The following GLI3 variants were observed in gnomAD, a reference collection of about 807,000 sequenced individuals.
GLI3 encodes the protein GLI family zinc finger 3.
A neutral mutation model predicts 100.8 loss-of-function variants in GLI3; 20 were observed. That is an observed-to-expected ratio of 0.20 (90% CI 0.14 to 0.29). The LOEUF (loss-of-function observed/expected upper bound fraction) is 0.29. Among genes scored for constraint, GLI3 ranks in the 10% least tolerant of loss-of-function variants. The pLI is 1.00. For synonymous variants in GLI3, 938 were observed against 860.5 expected, an observed-to-expected ratio of 1.09 and a Z score of -1.58; for missense variants, 2,040 against 2,128.5, an observed-to-expected ratio of 0.96 and a Z score of 0.82.
At chr7:42,052,534 T>C (rs1273877742) in intron 4 of GLI3, among the ~76,000 whole-genome samples, 1 of 152,196 alleles carries the variant, frequency 6.6e-6, no homozygotes, top group African/African-American at 2.4e-5. Flanking sequence ...ATACACAAAA[T>C]TGGAACAATC....
chr7:42,066,447 G>C (rs778467330), intron 4 of GLI3, among the ~76,000 whole-genome samples: 2 of 152,098 alleles, frequency 1.3e-5, no homozygotes, highest in Non-Finnish European at 2.9e-5. Context: ...GTCTGTCTGG[G>C]TTAAAAGATG....
At chr7:42,127,229 A>G (rs947074213) in intron 3 of GLI3, among the ~76,000 whole-genome samples, 1 of 152,202 alleles carries the variant, frequency 6.6e-6, no homozygotes, top group African/African-American at 2.4e-5. Flanking sequence ...CTCAGAGCTG[A>G]TCCCAGGCTT....
chr7:42,238,078 C>G (rs1476750057), upstream of GLI3, among the ~76,000 whole-genome samples: 1 of 150,304 alleles, frequency 6.7e-6, no homozygotes, highest in Non-Finnish European at 1.5e-5. Flanking sequence ...CAGACACATT[C>G]ATGCCTGCTC....
Position 41,965,939 on chromosome 7 carries a change from A to T in GLI3, c.3134T>A (p.Val1045Glu). The T allele has an allele frequency of 6.2e-7, 1 of 1,612,620 alleles. No individual in the cohort carries two copies. Among genetic ancestry groups the T allele is most frequent in the Non-Finnish European group, 8.5e-7 (1 of 1,179,838 alleles). The change falls in exon 15 of 15, where the codon GTG becomes GAG. Residue 1045 changes from valine (V) to glutamate (E), a missense_variant. Val to Glu is a moderately radical substitution (Grantham distance 121). Transcript: ENST00000395925. ...MATSAEKRSL[V>E]LQNYTRPEGG... ...CTCGGGCCGCGTGTAATTCTGAAGC[A>T]CGAGACTGCGCTTCTCCGCGGACGT... is the stretch of plus-strand genomic sequence containing the variant.
chr7:42,049,475 C>G (rs1291584110), intron 4 of GLI3, among the ~76,000 whole-genome samples: 1 of 152,214 alleles, frequency 6.6e-6, no homozygotes, highest in East Asian at 1.9e-4. Flanking sequence ...TGAGCAGTAG[C>G]AACTAAGTGC....
intron 2 of GLI3, among the ~76,000 whole-genome samples, chr7:42,179,567 G>T (rs1463011870): frequency 6.6e-6 from 1 of 152,174 alleles, no homozygotes; most frequent in East Asian, 1.9e-4. Flanking sequence ...AGGGCTGTTG[G>T]TGCAATCCAG....
chr7:42,010,558 A>C (rs973354022), intron 10 of GLI3, among the ~76,000 whole-genome samples: 2 of 152,308 alleles, frequency 1.3e-5, no homozygotes, highest in Admixed American at 1.3e-4. Context: ...GTTTCTGATG[A>C]AGTGTTATAT....
intron 7 of GLI3, among the ~76,000 whole-genome samples, chr7:42,031,058 A>C (rs905323393): frequency 1.3e-5 from 2 of 152,138 alleles, no homozygotes; most frequent in African/African-American, 4.8e-5. Context: ...CCTTCTCTAG[A>C]GCAGGACATA....
intron 3 of GLI3, among the ~76,000 whole-genome samples, chr7:42,084,549 A>T (rs1785062612): frequency 6.6e-6 from 1 of 152,252 alleles, no homozygotes; most frequent in Non-Finnish European, 1.5e-5. Flanking sequence ...GTGATTCCAC[A>T]TATATGCATC....
chr7:42,147,664 T>G (rs1205937753), intron 3 of GLI3, among the ~76,000 whole-genome samples: 1 of 152,236 alleles, frequency 6.6e-6, no homozygotes, highest in Non-Finnish European at 1.5e-5. Context: ...AAGGAGCTTC[T>G]GATGTGTCTG....
At chr7:42,167,761 G>T (rs1485054361) in intron 2 of GLI3, among the ~76,000 whole-genome samples, 1 of 152,090 alleles carries the variant, frequency 6.6e-6, no homozygotes, top group Non-Finnish European at 1.5e-5. Flanking sequence ...AGTGGATATG[G>T]CAGAACTTCA....
intron 10 of GLI3, among the ~76,000 whole-genome samples, chr7:41,982,386 A>T (rs1230078095): frequency 6.6e-6 from 1 of 152,216 alleles, no homozygotes; most frequent in Non-Finnish European, 1.5e-5. Flanking sequence ...TCACAGACTT[A>T]ACATGTGCAT....
intron 2 of GLI3, among the ~76,000 whole-genome samples, chr7:42,202,317 C>T (rs1003015106): frequency 9.3e-6 from 1 of 108,080 alleles, no homozygotes; most frequent in Admixed American, 1.1e-4. Context: ...TTCATAGAAT[C>T]TGTCTCTCTC....
At chr7:41,978,214 G>C (rs988005659) in intron 11 of GLI3, among the ~76,000 whole-genome samples, 1 of 152,160 alleles carries the variant, frequency 6.6e-6, no homozygotes, top group Non-Finnish European at 1.5e-5. Context: ...TATGCCTGAG[G>C]ACTCACTAGG....
chr7:42,082,070 T>G (rs544162241), intron 3 of GLI3, among the ~76,000 whole-genome samples: 1 of 152,024 alleles, frequency 6.6e-6, no homozygotes, highest in East Asian at 1.9e-4. Flanking sequence ...TCAGCAGAAA[T>G]ATCATTAAAC....
intron 1 of GLI3, among the ~76,000 whole-genome samples, chr7:42,248,103 T>C (rs961555468): frequency 1.3e-5 from 2 of 152,192 alleles, no homozygotes; most frequent in Non-Finnish European, 2.9e-5. Flanking sequence ...AAGTACTTTT[T>C]AACTAAAAAT....
At chr7:42,236,568 G>A (rs1415238693) in intron 1 of GLI3, among the ~76,000 whole-genome samples, 4 of 152,254 alleles carry the variant, frequency 2.6e-5, no homozygotes, top group African/African-American at 4.8e-5. Flanking sequence ...CGCCGTGCGC[G>A]CCCGAAGCCC....
chr7:42,197,275 A>T (rs1434110230), intron 2 of GLI3, among the ~76,000 whole-genome samples: 1 of 152,244 alleles, frequency 6.6e-6, no homozygotes, highest in Non-Finnish European at 1.5e-5. Flanking sequence ...AAGAGTAATG[A>T]CATAAAAATC....
intron 13 of GLI3, among the ~76,000 whole-genome samples, chr7:41,971,856 G>A (rs368648218): frequency 3.3e-5 from 5 of 152,114 alleles, no homozygotes; most frequent in South Asian, 2.1e-4. Flanking sequence ...CCGGCAGTCC[G>A]TCCCTCTCCT....
Sources: allele counts gnomAD v4.1 joint callset (sites outside exome capture counted in the v4.1 genomes callset), GRCh38; gene constraint gnomAD v4.1.1; transcripts MANE v1.5; gene names NCBI Gene and HGNC (gene_info 2026-07-23, HGNC 2026-07-21).